The following SLC16A10 variants were observed in gnomAD, a reference collection of about 807,000 sequenced individuals.
SLC16A10 encodes solute carrier family 16 member 10, also known as monocarboxylate transporter 10.
A neutral mutation model predicts 40.0 loss-of-function variants in SLC16A10; 27 were observed. That is an observed-to-expected ratio of 0.67 (90% CI 0.50 to 0.93). The LOEUF (loss-of-function observed/expected upper bound fraction) is 0.93, where lower values mean the gene tolerates loss of function less well. Ranked by LOEUF, SLC16A10 falls within the 40% of genes least tolerant of loss-of-function variation. The probability of loss-of-function intolerance (pLI) is 0.00; values close to 1 mark genes in which losing one functional copy is unlikely to be tolerated. For synonymous variants in SLC16A10, 213 were observed against 249.8 expected (o/e 0.85, Z 1.39); for missense variants, 529 against 658.2 (o/e 0.80, Z 2.15).
At chr6:111,140,432 C>T (rs1463193776) in intron 1 of SLC16A10, among the ~76,000 whole-genome samples, 13 of 151,866 alleles carry the variant, frequency 8.6e-5, no homozygotes, top group Admixed American at 8.5e-4. Context: ...CACTGCACTC[C>T]AGCCTGGGCG....
chr6:111,222,201 G>A lies in SLC16A10; in HGVS notation c.1514G>A (p.Gly505Glu), dbSNP rs767413245. Residue 505 changes from glycine to glutamate, a missense_variant, in exon 6 of 6, where the codon GGA becomes GAA. Gly to Glu is a moderately conservative substitution (Grantham distance 98). Transcript: ENST00000368851. ...AACTCTCTGCTGTCAAGTTCATCTG[G>A]AATGTTCAAGAAAGAATCTGACTCT... ...NQNSLLSSSS[G>E]MFKKESDSII is the part of the protein sequence containing the mutation. The A allele has an allele frequency of 6.2e-7, 1 of 1,605,582 alleles. No homozygotes were observed. Among genetic ancestry groups the A allele is most frequent in the South Asian group, 1.1e-5 (1 of 89,142 alleles).
chr6:111,087,681 G>A lies in SLC16A10; in HGVS notation c.-72G>A. On this transcript the variant is annotated 5_prime_UTR_variant, in exon 1 of 6. Coordinates refer to ENST00000368851, the MANE Select transcript of SLC16A10 (RefSeq NM_018593.5). ...TCGTTAGCCCGCCAGGAGCCCCGCAGCTCCTCCGGGAGCCCGCTGGTAACT... is the reference window on the plus strand; with the variant it reads ...TCGTTAGCCCGCCAGGAGCCCCGCAACTCCTCCGGGAGCCCGCTGGTAACT... The A allele has an allele frequency of 1.1e-6, 1 of 912,872 alleles. No homozygotes were observed. Among genetic ancestry groups the A allele is most frequent in the Admixed American group, 4.6e-5 (1 of 21,902 alleles). The allele number at this position is 912,872 out of a possible 1,614,324, so 56.5% of individuals were successfully genotyped here. A position where few individuals can be genotyped will look rare whatever the true frequency, so the allele number is the denominator to read the frequency against.
intron 1 of SLC16A10, among the ~76,000 whole-genome samples, chr6:111,160,867 A>G (rs769784962): frequency 1.1e-4 from 16 of 152,160 alleles, no homozygotes; most frequent in Non-Finnish European, 2.1e-4. Flanking sequence ...GTATGCAATA[A>G]AAGTTAAAGT....
intron 3 of SLC16A10, among the ~76,000 whole-genome samples, chr6:111,186,870 A>T (rs1233757466): frequency 1.3e-5 from 2 of 152,108 alleles, no homozygotes; most frequent in African/African-American, 2.4e-5. Flanking sequence ...ATTCCCTCAT[A>T]ACATATTGTA....
intron 1 of SLC16A10, among the ~76,000 whole-genome samples, chr6:111,128,056 C>G (rs945368061): frequency 6.6e-6 from 1 of 152,298 alleles, no homozygotes; most frequent in African/African-American, 2.4e-5. Context: ...AGTAGCTTTT[C>G]TCGTCTCTAC....
chr6:111,165,910 T>C (rs952882987), intron 1 of SLC16A10, among the ~76,000 whole-genome samples: 1 of 152,152 alleles, frequency 6.6e-6, no homozygotes, highest in Non-Finnish European at 1.5e-5. Context: ...TTCCACGTGG[T>C]TACAAGGTCA....
chr6:111,212,800 T>TAA (rs777927203), intron 4 of SLC16A10, among the ~76,000 whole-genome samples: 1 of 56,854 alleles, frequency 1.8e-5, no homozygotes, highest in East Asian at 4.7e-4. Context: ...CTCAAAAAAA[T>TAA]AAAAAAATAA....
chr6:111,174,847 T>C (rs1264886890), intron 2 of SLC16A10, among the ~76,000 whole-genome samples: 2 of 152,170 alleles, frequency 1.3e-5, no homozygotes, highest in African/African-American at 4.8e-5. Flanking sequence ...GTTTTTCAAA[T>C]TTTTCTGACC....
chr6:111,158,417 A>G (rs2114524010), intron 1 of SLC16A10, among the ~76,000 whole-genome samples: 1 of 152,240 alleles, frequency 6.6e-6, no homozygotes, highest in South Asian at 2.1e-4. Context: ...TTCAGGATAA[A>G]ACTGTTCTAT....
rs138239707 is a variant in SLC16A10, at chr6:111,096,149, T to C, written c.343+8054T>C. ...TCCTGAAAGTAGAATCCTACTCCTGTCCCCAGCCTGAAACTATTTACTACA... is the reference window on the plus strand; with the variant it reads ...TCCTGAAAGTAGAATCCTACTCCTGCCCCCAGCCTGAAACTATTTACTACA... On this transcript the variant is annotated intron_variant, in intron 1 of 5. Transcript: ENST00000368851. 2.9e-3 allele frequency among the ~76,000 whole-genome samples: 437 copies of C among 152,284 alleles called. 2 individuals carry two copies. Among genetic ancestry groups the C allele is most frequent in the African/African-American group, 0.01 (424 of 41,546 alleles).
At position 111,172,703 on chromosome 6, in the gene SLC16A10, G is replaced by A. The variant is rs1176489030; in HGVS notation, c.352G>A (p.Gly118Ser). Residue 118 changes from glycine (G) to serine (S), a missense_variant, in exon 2 of 6, where the codon GGT becomes AGT. By Grantham distance (56) the Gly-to-Ser change is moderately conservative. Coordinates refer to ENST00000368851, the MANE Select transcript of SLC16A10 (RefSeq NM_018593.5). ...DKMVFKTAWVGSLSMGMIFFC... is the reference protein window; with the variant it reads ...DKMVFKTAWVSSLSMGMIFFC... ...TTTCCCTTCTTTTACAGCATGGGTA[G>A]GTTCTCTCTCCATGGGGATGATTTT... 2.5e-6 allele frequency: 4 copies of A among 1,613,860 alleles called. No individual in the cohort carries two copies. The highest frequency in any genetic ancestry group is 3.4e-6 in the Non-Finnish European group (4 of 1,179,812).
chr6:111,189,408 G>T (rs1772952916), intron 3 of SLC16A10, among the ~76,000 whole-genome samples: 1 of 151,982 alleles, frequency 6.6e-6, no homozygotes, highest in Middle Eastern at 3.2e-3. Context: ...ATCAAGAGTT[G>T]GATTTTTTTA....
At chr6:111,123,683 C>T in intron 1 of SLC16A10, among the ~76,000 whole-genome samples, 1 of 152,300 alleles carries the variant, frequency 6.6e-6, no homozygotes, top group Admixed American at 6.5e-5. Context: ...GTCTAAGGGG[C>T]AATAGGAGCC....
intron 4 of SLC16A10, among the ~76,000 whole-genome samples, chr6:111,210,447 T>C (rs943919550): frequency 2.0e-5 from 3 of 152,252 alleles, no homozygotes; most frequent in Non-Finnish European, 4.4e-5. Context: ...TTTTGTTCTC[T>C]AGTGTCAAGG....
At chr6:111,137,338 C>T (rs1014910888) in intron 1 of SLC16A10, among the ~76,000 whole-genome samples, 1 of 152,230 alleles carries the variant, frequency 6.6e-6, no homozygotes, top group Non-Finnish European at 1.5e-5. Context: ...TAGCACCCAT[C>T]AGATGGCCAA....
chr6:111,168,232 G>A (rs1352479449), intron 1 of SLC16A10, among the ~76,000 whole-genome samples: 3 of 152,038 alleles, frequency 2.0e-5, no homozygotes, highest in Non-Finnish European at 4.4e-5. Flanking sequence ...CACCCACCTC[G>A]GGCTCCCAAG....
At chr6:111,090,567 A>C (rs2114421384) in intron 1 of SLC16A10, among the ~76,000 whole-genome samples, 1 of 152,318 alleles carries the variant, frequency 6.6e-6, no homozygotes, top group South Asian at 2.1e-4. Flanking sequence ...ATAGTCTTTA[A>C]GCCAGTTATT....
intron 1 of SLC16A10, among the ~76,000 whole-genome samples, chr6:111,118,909 C>CAAAG (rs1253159579): frequency 2.0e-5 from 3 of 152,060 alleles, no homozygotes; most frequent in Non-Finnish European, 4.4e-5. Context: ...AAGACAAAGC[C>CAAAG]AAAGAACAAG....
At chr6:111,169,299 T>G (rs1583341006) in intron 1 of SLC16A10, among the ~76,000 whole-genome samples, 1 of 152,224 alleles carries the variant, frequency 6.6e-6, no homozygotes, top group African/African-American at 2.4e-5. Context: ...GGTGAGTCTT[T>G]TGAATGACAG....
Sources: allele counts gnomAD v4.1 joint callset (sites outside exome capture counted in the v4.1 genomes callset), GRCh38; gene constraint gnomAD v4.1.1; transcripts MANE v1.5; gene names NCBI Gene and HGNC (gene_info 2026-07-23, HGNC 2026-07-21).